Variants in SELENOI observed in about 807,000 individuals in gnomAD.
SELENOI encodes selenoprotein I.
In SELENOI, 24 loss-of-function variants were observed where a neutral mutation model predicts 50.7. The ratio of observed to expected loss-of-function variants is 0.47; its 90% CI spans 0.34 to 0.67. The LOEUF (loss-of-function observed/expected upper bound fraction) is 0.67, where lower values mean the gene tolerates loss of function less well. SELENOI is among the 30% of genes least tolerant of loss of function. The probability of loss-of-function intolerance (pLI) is 0.01; values close to 1 mark genes in which losing one functional copy is unlikely to be tolerated. For missense variants in SELENOI, 352 were observed against 461.4 expected (o/e 0.76, Z 2.17); for synonymous variants, 155 against 170.2 (o/e 0.91, Z 0.70).
At position 26,392,922 on chromosome 2, in the gene SELENOI, G is replaced by A. The variant is rs1396963795; in HGVS notation, c.*3819G>A. 1.3e-5 allele frequency: 2 copies of A among 152,200 alleles called. No individual in the cohort carries two copies. Among genetic ancestry groups the A allele is most frequent in the Non-Finnish European group, 2.9e-5 (2 of 68,042 alleles). 9.4% of individuals were successfully genotyped at this position (152,200 alleles called of 1,614,324 possible). A position where few individuals can be genotyped will look rare whatever the true frequency, so the allele number is the denominator to read the frequency against. On this transcript the variant is annotated 3_prime_UTR_variant, in exon 10 of 10. Transcript: ENST00000260585. The stretch of plus-strand genomic sequence containing the variant: ...TTTAGTAAGTTAGCTGCCAGCATTA[G>A]AACCTTCCAGGAAGAATTTTAACTA...
intron 3 of SELENOI, among the ~76,000 whole-genome samples, chr2:26,365,743 C>T (rs75227339): frequency 0.025 from 3,750 of 151,558 alleles, 128 homozygotes; most frequent in African/African-American, 0.078. Flanking sequence ...AAACTGAGTA[C>T]CACTGACAAC....
chr2:26,374,702 G>C (rs1677529756), intron 5 of SELENOI, among the ~76,000 whole-genome samples: 1 of 151,832 alleles, frequency 6.6e-6, no homozygotes, highest in South Asian at 2.1e-4. Context: ...CCAAGTAGCT[G>C]GGATTACAGG....
chr2:26,361,275 G>A (rs1677171313), intron 1 of SELENOI, among the ~76,000 whole-genome samples: 1 of 152,166 alleles, frequency 6.6e-6, no homozygotes, highest in South Asian at 2.1e-4. Context: ...TTATATAAGG[G>A]AGTTGAACAT....
intron 1 of SELENOI, among the ~76,000 whole-genome samples, chr2:26,356,814 C>G (rs554209647): frequency 3.3e-5 from 5 of 152,232 alleles, no homozygotes; most frequent in African/African-American, 1.2e-4. Flanking sequence ...TTTCCAGTCT[C>G]ATTTTATATC....
At chr2:26,370,509 CA>C (rs2147953280) in intron 4 of SELENOI, among the ~76,000 whole-genome samples, 1 of 148,108 alleles carries the variant, frequency 6.8e-6, no homozygotes, top group Admixed American at 6.7e-5. Flanking sequence ...ACCTCCCTCC[CA>C]GACGGGGCGG....
chr2:26,348,036 A>G (rs1676845273), intron 1 of SELENOI, among the ~76,000 whole-genome samples: 1 of 152,214 alleles, frequency 6.6e-6, no homozygotes, highest in South Asian at 2.1e-4. Flanking sequence ...TTGGGGAAAA[A>G]AAAGCACACA....
chr2:26,356,381 G>T (rs550041633), intron 1 of SELENOI, among the ~76,000 whole-genome samples: 12 of 152,292 alleles, frequency 7.9e-5, no homozygotes, highest in African/African-American at 2.9e-4. Flanking sequence ...AAGTTGTCCA[G>T]AGCTCAGTAT....
At chr2:26,380,147 T>C (rs192617894) in intron 6 of SELENOI, among the ~76,000 whole-genome samples, 44 of 152,356 alleles carry the variant, frequency 2.9e-4, no homozygotes, top group Admixed American at 2.5e-3. Context: ...TTTTCCTTTA[T>C]AATTATGTAA....
chr2:26,350,279 C>T (rs1676929833), intron 1 of SELENOI, among the ~76,000 whole-genome samples: 1 of 152,082 alleles, frequency 6.6e-6, no homozygotes. Context: ...ATTGTGTTTG[C>T]ATCTTAATGG....
intron 6 of SELENOI, among the ~76,000 whole-genome samples, chr2:26,375,938 C>A (rs933654148): frequency 2.0e-5 from 3 of 151,832 alleles, no homozygotes; most frequent in Non-Finnish European, 2.9e-5. Flanking sequence ...GAAACCCTGT[C>A]TCTAGAAAAA....
chr2:26,374,147 A>G (rs923882079), intron 5 of SELENOI, among the ~76,000 whole-genome samples: 2 of 152,236 alleles, frequency 1.3e-5, no homozygotes, highest in Non-Finnish European at 1.5e-5. Context: ...AAAAACAATC[A>G]CAATGCCAGT....
In SELENOI at chr2:26,351,452, C is replaced by T. The variant is rs370453331; in HGVS notation, c.57+5163C>T. On this transcript the variant is annotated intron_variant, in intron 1 of 9. Coordinates refer to ENST00000260585, the MANE Select transcript of SELENOI (RefSeq NM_033505.4). ...ATATCATAGCACTTTCTACCGAATG[C>T]GTGTTGCCTTTGCACCATCGTAAAG... is the stretch of plus-strand genomic sequence containing the variant. 2.3e-4 allele frequency among the ~76,000 whole-genome samples: 35 copies of T among 152,292 alleles called. No individual in the cohort carries two copies. In the East Asian group the frequency reaches 2.5e-3, roughly 11 times the overall value.
At chr2:26,348,691 CT>C (rs75143515) in intron 1 of SELENOI, among the ~76,000 whole-genome samples, 56,090 of 144,426 alleles carry the variant, frequency 0.39, 11,508 homozygotes, top group Non-Finnish European at 0.49. Context: ...CTATGGCTGA[CT>C]TTTTTTTTTT....
At chr2:26,351,083 G>T (rs1676949835) in intron 1 of SELENOI, among the ~76,000 whole-genome samples, 2 of 143,540 alleles carry the variant, frequency 1.4e-5, no homozygotes, top group Non-Finnish European at 3.0e-5. Context: ...TTTTGAGACG[G>T]AGTCTCGTTT....
At chr2:26,365,604 T>C (rs1324771413) in intron 3 of SELENOI, among the ~76,000 whole-genome samples, 1 of 152,146 alleles carries the variant, frequency 6.6e-6, no homozygotes, top group Non-Finnish European at 1.5e-5. Context: ...AAGTTGGAGA[T>C]AGATGGGCAT....
chr2:26,349,745 T>C (rs973011771), intron 1 of SELENOI, among the ~76,000 whole-genome samples: 2 of 140,662 alleles, frequency 1.4e-5, no homozygotes, highest in Non-Finnish European at 3.0e-5. Flanking sequence ...GTGTAGCAGC[T>C]ACTTTGAAAT....
At position 26,370,813 on chromosome 2, in the gene SELENOI, G is replaced by A. The variant is rs1211587245; in HGVS notation, c.311-2554G>A. On this transcript the variant is annotated intron_variant, in intron 4 of 9. Transcript: ENST00000260585. ...GGGCTCCTCACCTCCCGGACGGGGC[G>A]GCTGGCCGGGCGGGGGGCTGACACC... Among the ~76,000 whole-genome samples the A allele has an allele frequency of 4.3e-5, 6 of 139,870 alleles. No individual in the cohort carries two copies. The East Asian group carries it at 6.6e-4, about 15-fold the overall frequency. The allele number at this position is 139,870 out of a possible 152,430, so 91.8% of individuals were successfully genotyped here. A position where few individuals can be genotyped will look rare whatever the true frequency, so the allele number is the denominator to read the frequency against.
At chr2:26,347,457 C>T (rs1003110679) in intron 1 of SELENOI, among the ~76,000 whole-genome samples, 17 of 152,004 alleles carry the variant, frequency 1.1e-4, no homozygotes, top group African/African-American at 3.4e-4. Context: ...AAGCAAGGGT[C>T]CTTAGAAGGT....
At chr2:26,383,240 G>T in intron 6 of SELENOI, 59 bp from the exon 7 acceptor site, 1 of 1,305,928 alleles carries the variant, frequency 7.7e-7, no homozygotes. Flanking sequence ...GCATGATTCA[G>T]TGGTAATGTA....
Sources: allele counts gnomAD v4.1 joint callset (sites outside exome capture counted in the v4.1 genomes callset), GRCh38; gene constraint gnomAD v4.1.1; transcripts MANE v1.5; gene names NCBI Gene and HGNC (gene_info 2026-07-23, HGNC 2026-07-21).